The following NUCB2 variants were observed in gnomAD, a reference collection of about 807,000 sequenced individuals.
The protein encoded by NUCB2 is nucleobindin-2.
A neutral mutation model predicts 57.9 loss-of-function variants in NUCB2; 48 were observed. The observed-to-expected ratio is 0.83, with a 90% confidence interval of 0.66 to 1.05. The LOEUF is 1.05. NUCB2 is among the 50% of genes least tolerant of loss of function. NUCB2 has a pLI of 0.00. For synonymous variants in NUCB2, 139 were observed against 152.1 expected (o/e 0.91, Z 0.64); for missense variants, 442 against 476.2 (o/e 0.93, Z 0.67).
chr11:17,309,742 C>A, intron 6 of NUCB2, 67 bp downstream of exon 6: 1 of 944,304 alleles, frequency 1.1e-6, no homozygotes, highest in Non-Finnish European at 1.6e-6. Flanking sequence ...GACAAGTAAA[C>A]CCAATGAAAT....
chr11:17,299,125 A>T, intron 4 of NUCB2, among the ~76,000 whole-genome samples: 1 of 152,216 alleles, frequency 6.6e-6, no homozygotes, highest in Non-Finnish European at 1.5e-5. Context: ...ACCTTCATGG[A>T]GGGCATCCAT....
At position 17,330,442 on chromosome 11, in the gene NUCB2, TG is replaced by T. The variant is rs1951256391; in HGVS notation, c.1173+146del. On this transcript the variant is annotated intron_variant, in intron 12 of 13. Coordinates refer to ENST00000529010, the MANE Select transcript of NUCB2 (RefSeq NM_005013.4). The surrounding 1 kb of genome is among the most constrained non-coding windows in gnomAD (Gnocchi z 4.3). ...ATTTTAAATTTTAATACTTTAAAAC[TG>T]TTTTGTGGAATATTAATCTAAATTT... 3 of 473,902 alleles carry T rather than the reference TG, an allele frequency of 6.3e-6. No homozygotes were observed. The highest frequency in any genetic ancestry group is 1.1e-5 in the Non-Finnish European group (3 of 271,798). The allele number at this position is 473,902 out of a possible 1,614,324, so 29.4% of individuals were successfully genotyped here.
At chr11:17,285,759 A>AG (rs1489270888) in intron 2 of NUCB2, among the ~76,000 whole-genome samples, 1 of 150,986 alleles carries the variant, frequency 6.6e-6, no homozygotes, top group Non-Finnish European at 1.5e-5. Context: ...AAAAAAAAAA[A>AG]AAAAAAAGAT....
At chr11:17,349,704 G>A (rs1953052837) in exon 3 of NUCB2, 1 of 152,174 alleles carries the variant, frequency 6.6e-6, no homozygotes, top group African/African-American at 2.4e-5. Flanking sequence ...CAAGGAAAAA[G>A]GGGAAAACAG....
At chr11:17,308,576 T>G (rs554318920) in intron 5 of NUCB2, among the ~76,000 whole-genome samples, 7 of 152,300 alleles carry the variant, frequency 4.6e-5, no homozygotes, top group African/African-American at 1.4e-4. Flanking sequence ...ATGTACCCAT[T>G]TTGCTCAATT....
intron 4 of NUCB2, among the ~76,000 whole-genome samples, chr11:17,298,243 A>G (rs1946157971): frequency 6.6e-6 from 1 of 151,996 alleles, no homozygotes; most frequent in Non-Finnish European, 1.5e-5. Context: ...AAATTAATTT[A>G]ATTAAAAATT....
intron 7 of NUCB2, 70 bp from the exon 8 acceptor site, chr11:17,311,123 A>C: frequency 6.9e-7 from 1 of 1,449,822 alleles, no homozygotes. Context: ...AAGTTCCTCA[A>C]ATTTATATTT....
At chr11:17,298,438 T>C in intron 4 of NUCB2, among the ~76,000 whole-genome samples, 1 of 151,630 alleles carries the variant, frequency 6.6e-6, no homozygotes, top group South Asian at 2.1e-4. Flanking sequence ...TGTGGTGGTG[T>C]GTGCCTGTAG....
chr11:17,297,863 C>T (rs1946075262), intron 4 of NUCB2, among the ~76,000 whole-genome samples: 1 of 151,914 alleles, frequency 6.6e-6, no homozygotes, highest in South Asian at 2.1e-4. Context: ...GCAGGTGGAT[C>T]ATGAGGTCAG....
At chr11:17,335,279 T>C (rs12365375), downstream of NUCB2, among the ~76,000 whole-genome samples, 5,080 of 152,264 alleles carry the variant, frequency 0.033, 121 homozygotes, top group Non-Finnish European at 0.056. Flanking sequence ...GGGTAAACGT[T>C]TTTAGATGGT....
At chr11:17,322,993 T>G (rs555618709) in intron 11 of NUCB2, among the ~76,000 whole-genome samples, 4 of 151,826 alleles carry the variant, frequency 2.6e-5, no homozygotes, top group Non-Finnish European at 5.9e-5. Flanking sequence ...AGTCTTTAGG[T>G]TTTTCCCAAA....
At chr11:17,301,543 T>C (rs1469116784) in intron 4 of NUCB2, among the ~76,000 whole-genome samples, 2 of 152,156 alleles carry the variant, frequency 1.3e-5, no homozygotes, top group African/African-American at 2.4e-5. Flanking sequence ...CCTCCCAAAG[T>C]GCTGGGATTA....
At chr11:17,324,279 C>T (rs188253805) in intron 11 of NUCB2, among the ~76,000 whole-genome samples, 78 of 152,148 alleles carry the variant, frequency 5.1e-4, no homozygotes, top group African/African-American at 1.7e-3. Context: ...AGAAATGTTT[C>T]AATTTCCTTC....
rs982874310 is a variant in NUCB2 at position 17,339,049 on chromosome 11, G to A, written n.2626+1515G>A. Among the ~76,000 whole-genome samples, 6 of 151,868 alleles carry A rather than the reference G, an allele frequency of 4.0e-5. No individual in the cohort carries two copies. In the South Asian group the frequency reaches 1.0e-3, roughly 26 times the overall value. On this transcript the variant is annotated intron_variant and non_coding_transcript_variant, in intron 2 of 2. Transcript: ENST00000532240. ...GTTGCCCAGGCTGGAGTGCAGTGGC[G>A]CAATCTTGCCTCACTGCAGCCTCTG...
chr11:17,320,990 T>C (rs751299241), intron 11 of NUCB2, among the ~76,000 whole-genome samples: 20 of 152,186 alleles, frequency 1.3e-4, no homozygotes, highest in Admixed American at 4.6e-4. Flanking sequence ...AGTATGTGTA[T>C]ATATTTATGG....
chr11:17,337,802 T>G (rs1162465986), intron 2 of NUCB2, among the ~76,000 whole-genome samples: 2 of 152,032 alleles, frequency 1.3e-5, no homozygotes, highest in Non-Finnish European at 2.9e-5. Flanking sequence ...TCTGGCTAAT[T>G]TTTTATATTT....
At chr11:17,316,716 A>G (rs1330560646) in intron 11 of NUCB2, among the ~76,000 whole-genome samples, 1 of 152,260 alleles carries the variant, frequency 6.6e-6, no homozygotes, top group Non-Finnish European at 1.5e-5. Flanking sequence ...CTTGAAAAGA[A>G]TAGTTGAGAG....
chr11:17,306,473 A>T, intron 5 of NUCB2, among the ~76,000 whole-genome samples: 2 of 152,360 alleles, frequency 1.3e-5, no homozygotes, highest in South Asian at 4.1e-4. Context: ...ATGCCATGCT[A>T]CTTGGGGTAG....
At chr11:17,285,039 A>ATACT (rs1311866074) in intron 2 of NUCB2, among the ~76,000 whole-genome samples, 2 of 144,468 alleles carry the variant, frequency 1.4e-5, no homozygotes, top group Non-Finnish European at 3.0e-5. Context: ...ACATACATAC[A>ATACT]TACTTATAAT....
Sources: gnomAD v4.1 joint callset for allele counts (sites outside exome capture counted in the v4.1 genomes callset) on GRCh38, gnomAD v4.1.1 for gene constraint, Gnocchi (gnomAD v3.1) non-coding constraint, MANE v1.5 for transcripts, NCBI Gene and HGNC (gene_info 2026-07-23, HGNC 2026-07-21) for gene names.